The following DMD variants were observed in gnomAD, a reference collection of about 807,000 sequenced individuals.
DMD encodes dystrophin.
Under a neutral mutation model 330.1 loss-of-function variants are expected in DMD, and 63 were observed. The observed-to-expected ratio is 0.19, with a 90% CI of 0.16 to 0.24. DMD has a LOEUF of 0.24. DMD is among the 10% of genes least tolerant of loss of function. DMD has a pLI of 1.00. For missense variants in DMD, 3,344 were observed against 2,684.1 expected (o/e 1.25, Z -5.43); for synonymous variants, 1,223 against 959.8 (o/e 1.27, Z -5.07).
intron 45 of DMD, among the ~76,000 whole-genome samples, chrX:31,932,999 C>T (rs781239935): frequency 9.0e-6 from 1 of 111,077 alleles, no homozygotes; most frequent in South Asian, 3.9e-4. Flanking sequence ...GCTGTGACAA[C>T]CAAATATGTT....
chrX:31,812,675 T>C (rs748476614), intron 50 of DMD, among the ~76,000 whole-genome samples: 14 of 111,992 alleles, frequency 1.3e-4, no homozygotes, highest in Non-Finnish European at 1.9e-4. Flanking sequence ...CTTCAAAAAA[T>C]TCAAATGAAG....
intron 41 of DMD, among the ~76,000 whole-genome samples, chrX:32,332,001 C>A (rs1242741224): frequency 1.8e-5 from 2 of 111,235 alleles, no homozygotes; most frequent in African/African-American, 3.3e-5. Flanking sequence ...CCTCAGTTTT[C>A]TATTTGGATT....
chrX:31,186,889 G>C, intron 67 of DMD, among the ~76,000 whole-genome samples: 1 of 112,488 alleles, frequency 8.9e-6, no homozygotes, highest in Non-Finnish European at 1.9e-5. Flanking sequence ...TGTGCTTACA[G>C]CCACTACACC....
chrX:32,605,541 A>G (rs2056618863), intron 12 of DMD, among the ~76,000 whole-genome samples: 1 of 109,512 alleles, frequency 9.1e-6, no homozygotes. Flanking sequence ...GACAAATGGA[A>G]CTTAATTTTA....
At chrX:33,184,720 C>CTTTTT (rs11317329) in intron 1 of DMD, among the ~76,000 whole-genome samples, 310 of 50,948 alleles carry the variant, frequency 6.1e-3, no homozygotes, top group East Asian at 0.022. Flanking sequence ...TTTTTTCTTT[C>CTTTTT]TTTTTTTTTT....
intron 2 of DMD, among the ~76,000 whole-genome samples, chrX:32,864,836 T>G (rs2149104459): frequency 8.9e-6 from 1 of 112,011 alleles, no homozygotes; most frequent in South Asian, 3.7e-4. Context: ...TAAGGCTATA[T>G]AAATCAAAAT....
At chrX:31,218,956 T>C (rs1220303662) in intron 64 of DMD, among the ~76,000 whole-genome samples, 1 of 111,233 alleles carries the variant, frequency 9.0e-6, no homozygotes, top group African/African-American at 3.3e-5. Context: ...AACTTGCTAT[T>C]TCACCTCCAT....
chrX:32,571,344 A>T (rs1315860305), intron 15 of DMD, among the ~76,000 whole-genome samples: 4 of 111,739 alleles, frequency 3.6e-5, no homozygotes, highest in Non-Finnish European at 7.5e-5. Context: ...AGAATCCCTC[A>T]TGAATTTATC....
At chrX:32,934,846 T>A (rs765692033) in intron 2 of DMD, among the ~76,000 whole-genome samples, 4 of 112,719 alleles carry the variant, frequency 3.5e-5, no homozygotes, top group African/African-American at 1.3e-4. Context: ...TTTGATTTCT[T>A]TTGTTTGCTC....
chrX:32,602,645 T>C lies in DMD; in HGVS notation c.1483-6769A>G, dbSNP rs141159994. Among the ~76,000 whole-genome samples, 197 of 111,668 alleles carry C rather than the reference T, an allele frequency of 1.8e-3. 1 individual carries two copies. Among genetic ancestry groups the C allele is most frequent in the African/African-American group, 6.0e-3 (186 of 30,871 alleles). The stretch of plus-strand genomic sequence containing the variant: ...TAAAGAACTACAGGAGTAATGGTGA[T>C]GAATTATTTCATTAAGCATTTTGAT... On this transcript the variant is annotated intron_variant, in intron 12 of 78. Transcript: ENST00000357033.
At chrX:32,892,731 A>G (rs1008245029) in intron 2 of DMD, among the ~76,000 whole-genome samples, 3 of 111,725 alleles carry the variant, frequency 2.7e-5, no homozygotes, top group African/African-American at 9.8e-5. Context: ...CACACCAAGT[A>G]TTATTTGGCA....
intron 1 of DMD, among the ~76,000 whole-genome samples, chrX:33,169,439 A>C (rs976811333): frequency 1.8e-5 from 2 of 111,687 alleles, no homozygotes; most frequent in African/African-American, 6.5e-5. Context: ...TTCAAAGGAC[A>C]AAACAAAGAC....
At chrX:32,698,295 G>A (rs1336044461) in intron 8 of DMD, among the ~76,000 whole-genome samples, 3 of 110,826 alleles carry the variant, frequency 2.7e-5, no homozygotes, top group Admixed American at 9.6e-5. Flanking sequence ...TCTTCAATCC[G>A]GCAAAAACAG....
intron 11 of DMD, among the ~76,000 whole-genome samples, chrX:32,643,608 T>TA (rs2059608684): frequency 1.8e-5 from 2 of 111,760 alleles, no homozygotes; most frequent in Non-Finnish European, 3.8e-5. Flanking sequence ...TCCTCTTTTT[T>TA]ATTAAGTCAA....
At chrX:31,599,562 C>G (rs1048236998) in intron 55 of DMD, among the ~76,000 whole-genome samples, 2 of 112,159 alleles carry the variant, frequency 1.8e-5, no homozygotes, top group Non-Finnish European at 3.8e-5. Flanking sequence ...ATTAGAAAGA[C>G]AATTGTATAT....
chrX:32,138,865 A>G (rs2096740077), intron 44 of DMD, among the ~76,000 whole-genome samples: 1 of 112,157 alleles, frequency 8.9e-6, no homozygotes, highest in Non-Finnish European at 1.9e-5. Context: ...TTTTACTGTA[A>G]TGGAGTAGAT....
intron 1 of DMD, among the ~76,000 whole-genome samples, chrX:33,104,509 C>A (rs1285480139): frequency 1.8e-5 from 2 of 109,488 alleles, no homozygotes; most frequent in Non-Finnish European, 3.8e-5. Context: ...CACTGAGTAC[C>A]TTGTGACCCC....
At chrX:33,279,704 C>T (rs941458246) in intron 1 of DMD, among the ~76,000 whole-genome samples, 5 of 111,223 alleles carry the variant, frequency 4.5e-5, no homozygotes, top group African/African-American at 9.8e-5. Flanking sequence ...CCAGTTTCTC[C>T]GCTTCCTTGC....
chrX:32,499,573 A>G (rs1339697330), intron 19 of DMD, among the ~76,000 whole-genome samples: 1 of 111,766 alleles, frequency 8.9e-6, no homozygotes, highest in Admixed American at 9.6e-5. Context: ...GCAAGAATGT[A>G]TGTGTCTTAC....
Sources: gnomAD v4.1 joint callset for allele counts (sites outside exome capture counted in the v4.1 genomes callset) on GRCh38, gnomAD v4.1.1 for gene constraint, MANE v1.5 for transcripts, NCBI Gene and HGNC (gene_info 2026-07-23, HGNC 2026-07-21) for gene names.